The following E2F7 variants were observed in gnomAD, a reference collection of about 807,000 sequenced individuals.
E2F7 encodes the protein E2F transcription factor 7.
Under a neutral mutation model 81.1 loss-of-function variants are expected in E2F7, and 35 were observed. The ratio of observed to expected loss-of-function variants is 0.43; its 90% CI spans 0.33 to 0.57. E2F7 has a LOEUF of 0.57. E2F7 is among the 20% of genes least tolerant of loss of function. The pLI is 0.04. For missense variants in E2F7, 961 were observed against 1,093.7 expected (o/e 0.88, Z 1.71); for synonymous variants, 416 against 416.2 (o/e 1.00, Z 0.01).
intron 2 of E2F7, among the ~76,000 whole-genome samples, chr12:77,060,262 T>C (rs1337585064): frequency 6.6e-6 from 1 of 152,150 alleles, no homozygotes. Context: ...CTAGTTCTTA[T>C]ATATAAATAG....
intron 4 of E2F7, among the ~76,000 whole-genome samples, chr12:77,047,100 C>T (rs1189694238): frequency 2.6e-5 from 4 of 152,130 alleles, no homozygotes; most frequent in African/African-American, 9.7e-5. Context: ...CACGAAGCTC[C>T]GCAGCTCACT....
intron 11 of E2F7, among the ~76,000 whole-genome samples, chr12:77,026,878 T>C (rs181941981): frequency 6.6e-6 from 1 of 152,338 alleles, no homozygotes; most frequent in Admixed American, 6.5e-5. Context: ...TTGGCTTCCT[T>C]TGTAATCCCA....
At chr12:77,064,040 A>T (rs1033905500) in intron 2 of E2F7, among the ~76,000 whole-genome samples, 2 of 152,366 alleles carry the variant, frequency 1.3e-5, no homozygotes, top group East Asian at 3.9e-4. Context: ...ATGGTAAAAT[A>T]TTCAGAATAT....
intron 3 of E2F7, among the ~76,000 whole-genome samples, chr12:77,052,578 C>T (rs10862980): frequency 0.34 from 51,257 of 151,910 alleles, 8,906 homozygotes; most frequent in African/African-American, 0.42. Flanking sequence ...TCATGTAAAG[C>T]AAATTTTAAA....
chr12:77,024,083 T>C lies in E2F7; in HGVS notation c.2668A>G (p.Arg890Gly). 3 of 1,614,096 alleles carry C rather than the reference T, an allele frequency of 1.9e-6. No homozygotes were observed. The highest frequency in any genetic ancestry group is 2.5e-6 in the Non-Finnish European group (3 of 1,180,008). Residue 890 changes from arginine to glycine, a missense_variant, in exon 13 of 13, where the codon AGG becomes GGG. Arg to Gly is a moderately radical substitution (Grantham distance 125). This residue lies in a region of E2F7 where 587 missense variants were observed against 620.3 expected (regional missense o/e 0.95). Transcript: ENST00000322886. The stretch of plus-strand genomic sequence containing the variant: ...GAGCTGGTGTTTCGTGACTGGTTCC[T>C]TTCTCTTCTCTTCAGGACAGGGTCT... ...LGDPVLKRRERNQSRNTSSAQ... is the reference protein window; with the variant it reads ...LGDPVLKRREGNQSRNTSSAQ...
Position 77,046,283 on chromosome 12 carries a change from G to C in E2F7, c.584C>G (p.Ser195Trp). 1 of 1,614,096 alleles carries C rather than the reference G, an allele frequency of 6.2e-7. No homozygotes were observed. Among genetic ancestry groups the C allele is most frequent in the Non-Finnish European group, 8.5e-7 (1 of 1,180,024 alleles). Residue 195 changes from serine to tryptophan, a missense_variant, in exon 5 of 13, where the codon TCG (serine) becomes TGG (tryptophan). Physicochemically the swap from Ser to Trp is radical, Grantham distance 177. Around this residue, in one of 3 missense-constraint regions of E2F7, gnomAD observed 301 missense variants for 405.0 expected, o/e 0.74. Transcript: ENST00000322886. ...RIYDIVNVLE[S>W]LHLVSRVAKN... ...AGCCACCCGGCTGACCAGATGCAGC[G>C]ACTCCAGCACATTTACAATGTCATA...
rs370773200 is a variant in E2F7 at position 77,050,752 on chromosome 12, G to A, written c.370-8C>T. On this transcript the variant is annotated splice_polypyrimidine_tract_variant and splice_region_variant and intron_variant, in intron 3 of 12. Transcript: ENST00000322886. ...GTCCCCAACAACATCAAGCTACAGA[G>A]GGCAGATAGAAGGGAGGGGGAAGAT... is the stretch of plus-strand genomic sequence containing the variant. 2.5e-6 allele frequency: 4 copies of A among 1,610,322 alleles called. No homozygotes were observed. The highest frequency in any genetic ancestry group is 1.7e-4 in the Middle Eastern group (1 of 6,034).
chr12:77,058,058 G>A (rs937520929), intron 2 of E2F7, among the ~76,000 whole-genome samples: 1 of 152,104 alleles, frequency 6.6e-6, no homozygotes, highest in East Asian at 1.9e-4. Context: ...GGCAACATTC[G>A]GTCCTAGTAT....
chr12:77,046,924 C>T (rs952092757), intron 4 of E2F7, among the ~76,000 whole-genome samples: 1 of 152,164 alleles, frequency 6.6e-6, no homozygotes, highest in Admixed American at 6.5e-5. Context: ...GTGTCAAGGG[C>T]TTGAATACCC....
intron 6 of E2F7, among the ~76,000 whole-genome samples, chr12:77,043,646 C>G (rs937571791): frequency 2.6e-5 from 4 of 152,210 alleles, no homozygotes; most frequent in African/African-American, 9.6e-5. Flanking sequence ...TCCTGCCAGG[C>G]TGCACTCCTG....
At chr12:77,025,437 G>A (rs932505182) in intron 12 of E2F7, 121 bp downstream of exon 12, 23 of 1,124,446 alleles carry the variant, frequency 2.0e-5, no homozygotes, top group Middle Eastern at 5.9e-4. Context: ...GGTCTACAAC[G>A]GAAGCCAGGT....
intron 2 of E2F7, among the ~76,000 whole-genome samples, chr12:77,059,905 G>C (rs1955064562): frequency 1.4e-5 from 2 of 148,064 alleles, no homozygotes. Context: ...AGAGCTTGCA[G>C]TGAGCTGAGA....
At chr12:77,049,613 C>A (rs1954970189) in intron 4 of E2F7, among the ~76,000 whole-genome samples, 1 of 152,170 alleles carries the variant, frequency 6.6e-6, no homozygotes, top group African/African-American at 2.4e-5. Flanking sequence ...CTATGTGACC[C>A]AAAGCCCAGC....
At chr12:77,051,190 T>C (rs1423595360) in intron 3 of E2F7, among the ~76,000 whole-genome samples, 4 of 152,180 alleles carry the variant, frequency 2.6e-5, no homozygotes, top group Non-Finnish European at 4.4e-5. Flanking sequence ...CAAACTGTTT[T>C]ATATTTTACA....
intron 11 of E2F7, 41 bp from the exon 12 acceptor site, chr12:77,026,023 T>A (rs1017908652): frequency 4.5e-6 from 7 of 1,546,584 alleles, no homozygotes; most frequent in African/African-American, 1.4e-5. Context: ...ATATATGTCA[T>A]CATGAGGATA....
chr12:77,046,460 C>T (rs1380669394), intron 4 of E2F7, 132 bp from the exon 5 acceptor site: 1 of 919,074 alleles, frequency 1.1e-6, no homozygotes. Context: ...CGTGGATGCT[C>T]AAGGAATTCA....
In E2F7 at chr12:77,021,747, G is replaced by A. The variant is rs1369653499; in HGVS notation, c.*2268C>T. On this transcript the variant is annotated 3_prime_UTR_variant, in exon 13 of 13. Transcript: ENST00000322886. ...CTAAATTATACAATAATAGACTCAA[G>A]ATTGCCATTGCTTCTTCACTACCCA... The A allele has an allele frequency of 6.6e-6, 1 of 152,276 alleles. No homozygotes were observed. Among genetic ancestry groups the A allele is most frequent in the Non-Finnish European group, 1.5e-5 (1 of 68,022 alleles). 9.4% of individuals were successfully genotyped at this position (152,276 alleles called of 1,614,324 possible).
chr12:77,046,004 T>A, intron 5 of E2F7, 34 bp downstream of exon 5: 1 of 1,594,132 alleles, frequency 6.3e-7, no homozygotes, highest in Non-Finnish European at 8.6e-7. Context: ...TTGCTCTTTC[T>A]CTGCCATTAC....
rs1297333641 is a variant in E2F7 at position 77,023,594 on chromosome 12, T to C, written c.*421A>G. On this transcript the variant is annotated 3_prime_UTR_variant, in exon 13 of 13. Coordinates refer to ENST00000322886, the MANE Select transcript of E2F7 (RefSeq NM_203394.3). Reference sequence around the variant, plus strand: ...TTCCTGATGAAGCCTAAGGAAGCAGTAGCTTTTTTAAACTGCAGAAAGGAA... The same window carrying C: ...TTCCTGATGAAGCCTAAGGAAGCAGCAGCTTTTTTAAACTGCAGAAAGGAA... 6.4e-6 allele frequency: 1 copy of C among 155,064 alleles called. No homozygotes were observed. The highest frequency in any genetic ancestry group is 1.4e-5 in the Non-Finnish European group (1 of 69,840). 9.6% of individuals were successfully genotyped at this position (155,064 alleles called of 1,614,324 possible). A position where few individuals can be genotyped will look rare whatever the true frequency, so the allele number is the denominator to read the frequency against.
Sources: gnomAD v4.1 joint callset for allele counts (sites outside exome capture counted in the v4.1 genomes callset) on GRCh38, gnomAD v4.1.1 for gene constraint, gnomAD v4.1.1 regional missense constraint, MANE v1.5 for transcripts, NCBI Gene and HGNC (gene_info 2026-07-23, HGNC 2026-07-21) for gene names.